The following PID1 variants were observed in gnomAD, a reference collection of about 807,000 sequenced individuals.
PID1 encodes the protein PTB-containing, cubilin and LRP1-interacting protein.
A neutral mutation model predicts 19.1 loss-of-function variants in PID1; 10 were observed. The observed-to-expected ratio is 0.52, with a 90% confidence interval of 0.32 to 0.89. The LOEUF is 0.89. Among genes scored for constraint, PID1 ranks in the 40% least tolerant of loss-of-function variants. The pLI is 0.03. For synonymous variants in PID1, 130 were observed against 116.0 expected (o/e 1.12, Z -0.78); for missense variants, 248 against 285.3 (o/e 0.87, Z 0.94).
chr2:229,257,413 C>T (rs1161876561), intron 1 of PID1, among the ~76,000 whole-genome samples: 1 of 152,164 alleles, frequency 6.6e-6, no homozygotes, highest in Non-Finnish European at 1.5e-5. Context: ...CCTGGCTTTC[C>T]TGTCCACGTG....
intron 1 of PID1, among the ~76,000 whole-genome samples, chr2:229,187,639 G>C (rs1244919745): frequency 2.0e-5 from 3 of 151,962 alleles, no homozygotes; most frequent in African/African-American, 7.3e-5. Flanking sequence ...ATTTGGATGG[G>C]GACACGGCCA....
chr2:229,164,536 T>G (rs911074608), intron 1 of PID1, among the ~76,000 whole-genome samples: 2 of 152,222 alleles, frequency 1.3e-5, no homozygotes, highest in Non-Finnish European at 2.9e-5. Context: ...GTGAGTATCT[T>G]GTTGCACTGA....
At chr2:229,139,145 G>A (rs1689955500) in intron 2 of PID1, among the ~76,000 whole-genome samples, 1 of 127,472 alleles carries the variant, frequency 7.8e-6, no homozygotes, top group Non-Finnish European at 1.7e-5. Context: ...AAGAAAGAAA[G>A]AAAGCAAGCG....
At chr2:229,186,883 A>G (rs1691144326) in intron 1 of PID1, among the ~76,000 whole-genome samples, 1 of 152,156 alleles carries the variant, frequency 6.6e-6, no homozygotes, top group Non-Finnish European at 1.5e-5. Context: ...TCCCTTTTAA[A>G]GCTGAATGCC....
intron 2 of PID1, among the ~76,000 whole-genome samples, chr2:229,102,914 G>A (rs1695103059): frequency 6.6e-6 from 1 of 152,140 alleles, no homozygotes; most frequent in Non-Finnish European, 1.5e-5. Context: ...AAGCCTCAAA[G>A]TCCCTCCCAA....
intron 2 of PID1, among the ~76,000 whole-genome samples, chr2:229,101,381 A>G (rs1341873788): frequency 6.6e-6 from 1 of 152,134 alleles, no homozygotes; most frequent in Non-Finnish European, 1.5e-5. Flanking sequence ...CTTTCTTGTA[A>G]GCAACCTTGA....
intron 2 of PID1, among the ~76,000 whole-genome samples, chr2:229,084,831 C>T (rs1187227700): frequency 1.3e-5 from 2 of 149,872 alleles, no homozygotes. Context: ...GAAAAGCACA[C>T]ATTTCTCTTT....
intron 2 of PID1, among the ~76,000 whole-genome samples, chr2:229,117,363 C>T (rs2106155014): frequency 6.6e-6 from 1 of 152,288 alleles, no homozygotes; most frequent in East Asian, 1.9e-4. Flanking sequence ...CTAATCAAAT[C>T]TACCTTCACA....
chr2:229,220,954 C>T (rs148561480), intron 1 of PID1, among the ~76,000 whole-genome samples: 2 of 152,088 alleles, frequency 1.3e-5, no homozygotes, highest in African/African-American at 2.4e-5. Context: ...CAAAATTTCA[C>T]CAAATTGCTT....
At chr2:229,202,070 T>A (rs1691510021) in intron 1 of PID1, among the ~76,000 whole-genome samples, 1 of 152,020 alleles carries the variant, frequency 6.6e-6, no homozygotes, top group South Asian at 2.1e-4. Context: ...TTTTAAAATA[T>A]TTTTTTAAAG....
At chr2:229,046,705 C>T (rs928896374) in intron 2 of PID1, among the ~76,000 whole-genome samples, 4 of 152,122 alleles carry the variant, frequency 2.6e-5, no homozygotes, top group African/African-American at 9.7e-5. Flanking sequence ...GACTAGAACC[C>T]TAGATTCAAA....
At chr2:229,081,732 C>G (rs1694672412) in intron 2 of PID1, among the ~76,000 whole-genome samples, 1 of 152,152 alleles carries the variant, frequency 6.6e-6, no homozygotes, top group Non-Finnish European at 1.5e-5. Context: ...TCAAGGGAAG[C>G]CAAGGAGTGC....
chr2:229,147,901 G>A (rs1690168818), intron 2 of PID1, among the ~76,000 whole-genome samples: 1 of 152,108 alleles, frequency 6.6e-6, no homozygotes, highest in African/African-American at 2.4e-5. Context: ...ACAGTGTATG[G>A]GGCACATGGA....
intron 1 of PID1, among the ~76,000 whole-genome samples, chr2:229,169,602 C>G (rs973140865): frequency 2.6e-5 from 4 of 152,172 alleles, no homozygotes; most frequent in Non-Finnish European, 5.9e-5. Context: ...CATTACTTAT[C>G]ATTTCCAAAG....
At chr2:229,120,415 G>T (rs1035022019) in intron 2 of PID1, among the ~76,000 whole-genome samples, 1 of 152,012 alleles carries the variant, frequency 6.6e-6, no homozygotes, top group Non-Finnish European at 1.5e-5. Flanking sequence ...CATTCATTAA[G>T]TCAAAGTGTG....
At chr2:229,123,451 T>C (rs1356005921) in intron 2 of PID1, among the ~76,000 whole-genome samples, 3 of 152,240 alleles carry the variant, frequency 2.0e-5, no homozygotes, top group African/African-American at 4.8e-5. Context: ...TTCTTTGTAC[T>C]TTCTGGCTAT....
chr2:229,095,588 G>A (rs1254160060), intron 2 of PID1, among the ~76,000 whole-genome samples: 1 of 152,092 alleles, frequency 6.6e-6, no homozygotes, highest in Non-Finnish European at 1.5e-5. Flanking sequence ...CATACCAATG[G>A]TTCTCCTTGC....
At chr2:229,107,830 G>C (rs1268400157) in intron 2 of PID1, among the ~76,000 whole-genome samples, 1 of 152,138 alleles carries the variant, frequency 6.6e-6, no homozygotes, top group African/African-American at 2.4e-5. Context: ...GAAAATGCAG[G>C]GCCCTTGCCA....
intron 2 of PID1, among the ~76,000 whole-genome samples, chr2:229,079,195 G>A (rs1477284196): frequency 6.6e-6 from 1 of 152,146 alleles, no homozygotes; most frequent in African/African-American, 2.4e-5. Flanking sequence ...ATCGGTCTAA[G>A]TCGGGGCTGA....
Sources: allele counts gnomAD v4.1 joint callset (sites outside exome capture counted in the v4.1 genomes callset), GRCh38; gene constraint gnomAD v4.1.1; transcripts MANE v1.5; gene names NCBI Gene and HGNC (gene_info 2026-07-23, HGNC 2026-07-21).